CAVIN2: variants seen among roughly 807,000 people sequenced by gnomAD.
CAVIN2 encodes the protein caveolae associated protein 2, also known as caveolae-associated protein 2.
A neutral mutation model predicts 11.7 loss-of-function variants in CAVIN2; 13 were observed. The ratio of observed to expected loss-of-function variants is 1.11; its 90% CI spans 0.72 to 1.77. CAVIN2 has a LOEUF of 1.77. CAVIN2 is among the 40% of genes most tolerant of loss of function. The pLI is 0.00. For synonymous variants in CAVIN2, 237 were observed against 223.2 expected, an observed-to-expected ratio of 1.06 and a Z score of -0.55; for missense variants, 549 against 542.9, an observed-to-expected ratio of 1.01 and a Z score of -0.11.
chr2:191,847,005 G>T lies in CAVIN2; in HGVS notation c.-80C>A. The T allele has an allele frequency of 6.6e-7, 1 of 1,510,108 alleles. No individual in the cohort carries two copies. The highest frequency in any genetic ancestry group is 8.8e-7 in the Non-Finnish European group (1 of 1,136,724). 93.5% of individuals were successfully genotyped at this position (1,510,108 alleles called of 1,614,324 possible). ...AGAAGTTGCGGTGGTGAGGGTGTAG[G>T]ATGAGGCCCGCTGGTTGGAGCTCAG... On this transcript the variant is annotated 5_prime_UTR_variant, in exon 1 of 2. Transcript: ENST00000304141.
chr2:191,846,364 C>G, intron 1 of CAVIN2, 79 bp downstream of exon 1: 1 of 1,457,538 alleles, frequency 6.9e-7, no homozygotes, highest in Non-Finnish European at 9.2e-7. Context: ...GTAAAAATGG[C>G]TGTGAGAGCC....
Position 191,836,323 on chromosome 2 carries a change from GA to G in CAVIN2, c.877del (p.Ser293LeufsTer82), listed in dbSNP as rs747976562. On this transcript the variant is annotated frameshift_variant, in exon 2 of 2. Coordinates refer to ENST00000304141, the MANE Select transcript of CAVIN2 (RefSeq NM_004657.6). LOFTEE classifies it low-confidence loss of function (END_TRUNC). ...TTTCTTCCGCCCGAAAGTGAGGGGA[GA>G]AACCTTGAAGGGGGAGCTTTTTCCT... ...SSGKSSPFKV[S>X]PLTFGRKKVR... The G allele has an allele frequency of 1.9e-6, 3 of 1,614,054 alleles. No homozygotes were observed. Among genetic ancestry groups the G allele is most frequent in the Non-Finnish European group, 2.5e-6 (3 of 1,180,046 alleles).
rs781539135 is a variant in CAVIN2, at chr2:191,846,844, G to A, written c.82C>T (p.Pro28Ser). Residue 28 changes from proline to serine, a missense_variant, in exon 1 of 2, where the codon CCG becomes TCG. Pro to Ser is a moderately conservative substitution (Grantham distance 74). Coordinates refer to ENST00000304141, the MANE Select transcript of CAVIN2 (RefSeq NM_004657.6). ...MRQEKPSSPSPMPSSTPSPSL... is the reference protein window; with the variant it reads ...MRQEKPSSPSSMPSSTPSPSL... ...GGGCTTGGTGTGGAGGAAGGCATCG[G>A]GCTGGGGCTCGAGGGCTTTTCCTGC... 1 of 1,614,210 alleles carries A rather than the reference G, an allele frequency of 6.2e-7. No individual in the cohort carries two copies. Among genetic ancestry groups the A allele is most frequent in the South Asian group, 1.1e-5 (1 of 91,080 alleles).
chr2:191,839,541 G>C (rs1411243032), intron 1 of CAVIN2, among the ~76,000 whole-genome samples: 3 of 152,100 alleles, frequency 2.0e-5, no homozygotes, highest in Non-Finnish European at 1.5e-5. Context: ...ATATGAATGG[G>C]TATTGGGGGA....
chr2:191,836,754 C>T (rs1337228115), intron 1 of CAVIN2, 37 bp from the exon 2 acceptor site: 2 of 1,565,944 alleles, frequency 1.3e-6, no homozygotes, highest in Non-Finnish European at 1.7e-6. Flanking sequence ...ATGTTAATAA[C>T]ATATTTCACA....
chr2:191,835,765 C>T lies in CAVIN2; in HGVS notation c.*158G>A. On this transcript the variant is annotated 3_prime_UTR_variant, in exon 2 of 2. Transcript: ENST00000304141. ...GTGACAGGTCGCTTTCATGGTAAAG[C>T]CTGGTCTCGTGTGTCTTACTATGAC... The T allele has an allele frequency of 1.5e-6, 1 of 689,136 alleles. No individual in the cohort carries two copies. The highest frequency in any genetic ancestry group is 2.4e-6 in the Non-Finnish European group (1 of 424,868). 42.7% of individuals were successfully genotyped at this position (689,136 alleles called of 1,614,324 possible). A position where few individuals can be genotyped will look rare whatever the true frequency, so the allele number is the denominator to read the frequency against.
chr2:191,843,848 C>G (rs369671661), intron 1 of CAVIN2, among the ~76,000 whole-genome samples: 5 of 152,288 alleles, frequency 3.3e-5, no homozygotes, highest in African/African-American at 1.2e-4. Context: ...AATGTTATTT[C>G]TTTCATTCCT....
intron 1 of CAVIN2, among the ~76,000 whole-genome samples, 182 bp downstream of exon 1, chr2:191,846,261 T>C (rs943362496): frequency 2.0e-5 from 3 of 152,208 alleles, no homozygotes; most frequent in African/African-American, 7.2e-5. Flanking sequence ...ACCTGGGAAA[T>C]TCCCACCCCT....
chr2:191,846,189 C>T (rs1690162700), intron 1 of CAVIN2, among the ~76,000 whole-genome samples: 1 of 152,182 alleles, frequency 6.6e-6, no homozygotes, highest in African/African-American at 2.4e-5. Context: ...CCAGGTGCTC[C>T]CTGACAAATG....
intron 1 of CAVIN2, among the ~76,000 whole-genome samples, chr2:191,845,502 C>T (rs1371112960): frequency 6.6e-6 from 1 of 152,180 alleles, no homozygotes. Flanking sequence ...ATGGCAATCG[C>T]TTCCTGGGCT....
intron 1 of CAVIN2, among the ~76,000 whole-genome samples, chr2:191,841,768 G>A (rs997939259): frequency 2.6e-5 from 4 of 152,178 alleles, no homozygotes; most frequent in African/African-American, 9.7e-5. Flanking sequence ...GCATCTGAAG[G>A]AGTCTAGTTT....
Position 191,835,629 on chromosome 2 carries a change from T to G in CAVIN2, c.*294A>C, listed in dbSNP as rs944314058. Reference sequence around the variant, plus strand: ...ACTAGTATCTTAATTATCCTCTGTTTTTTTCTGACTAAGTCAAAGAGATTA... The same window carrying G: ...ACTAGTATCTTAATTATCCTCTGTTGTTTTCTGACTAAGTCAAAGAGATTA... On this transcript the variant is annotated 3_prime_UTR_variant, in exon 2 of 2. Coordinates refer to ENST00000304141, the MANE Select transcript of CAVIN2 (RefSeq NM_004657.6). 75 of 362,166 alleles carry G rather than the reference T, an allele frequency of 2.1e-4. No individual in the cohort carries two copies. Among genetic ancestry groups the G allele is most frequent in the Middle Eastern group, 7.7e-4 (1 of 1,292 alleles). 22.4% of individuals were successfully genotyped at this position (362,166 alleles called of 1,614,324 possible).
intron 1 of CAVIN2, among the ~76,000 whole-genome samples, 160 bp from the exon 2 acceptor site, chr2:191,836,877 C>T (rs991322951): frequency 1.3e-5 from 2 of 152,176 alleles, no homozygotes; most frequent in Non-Finnish European, 1.5e-5. Context: ...ATTCTAAACT[C>T]GTCAAGTCAT....
At position 191,835,132 on chromosome 2, in the gene CAVIN2, C is replaced by T. The variant is rs960302256; in HGVS notation, c.*791G>A. The T allele has an allele frequency of 4.6e-5, 7 of 151,882 alleles. No individual in the cohort carries two copies. The highest frequency in any genetic ancestry group is 7.2e-5 in the African/African-American group (3 of 41,392). 9.4% of individuals were successfully genotyped at this position (151,882 alleles called of 1,614,324 possible). On this transcript the variant is annotated 3_prime_UTR_variant, in exon 2 of 2. Transcript: ENST00000304141. ...AGATGACATGTTATTCCAGGATATA[C>T]GAACTTCTTTAGTATTTTTATTTAA...
chr2:191,838,225 C>T (rs1301235514), intron 1 of CAVIN2, among the ~76,000 whole-genome samples: 9 of 151,772 alleles, frequency 5.9e-5, no homozygotes, highest in East Asian at 1.9e-4. Context: ...TTTGATTGAC[C>T]GAAAAGATGA....
chr2:191,843,448 C>T (rs1033354929), intron 1 of CAVIN2, among the ~76,000 whole-genome samples: 3 of 152,048 alleles, frequency 2.0e-5, no homozygotes, highest in Admixed American at 6.6e-5. Context: ...TGATAAATTA[C>T]CTAAAGACAC....
At chr2:191,844,974 T>C (rs765591708) in intron 1 of CAVIN2, among the ~76,000 whole-genome samples, 1 of 152,208 alleles carries the variant, frequency 6.6e-6, no homozygotes, top group African/African-American at 2.4e-5. Flanking sequence ...TAAACAGGTC[T>C]GTACATGTTT....
intron 1 of CAVIN2, among the ~76,000 whole-genome samples, chr2:191,845,393 G>A (rs1007562224): frequency 3.3e-5 from 5 of 152,174 alleles, no homozygotes; most frequent in African/African-American, 1.2e-4. Context: ...TTCCCTGTGT[G>A]CCTTTCACAA....
Position 191,836,226 on chromosome 2 carries a change from T to C in CAVIN2, c.975A>G (p.Pro325=). The C allele has an allele frequency of 1.9e-6, 3 of 1,614,122 alleles. No homozygotes were observed. The highest frequency in any genetic ancestry group is 1.7e-6 in the Non-Finnish European group (2 of 1,180,036). ...CAAAGGACTCCTCTTCCTGGTCATT[T>C]GGCATCTGCTCACTGCTAGGCAGGT... The part of the protein sequence containing the change: ...SEDLPSSEQM[P]NDQEEESFAE... Residue 325 remains proline, a synonymous_variant, in exon 2 of 2, where the codon CCA becomes CCG. Transcript: ENST00000304141.
Sources: allele counts gnomAD v4.1 joint callset (sites outside exome capture counted in the v4.1 genomes callset), GRCh38; gene constraint gnomAD v4.1.1; transcripts MANE v1.5; gene names NCBI Gene and HGNC (gene_info 2026-07-23, HGNC 2026-07-21).